The following AIG1 variants were observed in gnomAD, a reference collection of about 807,000 sequenced individuals.
AIG1 encodes the protein androgen induced 1.
Under a neutral mutation model 31.4 loss-of-function variants are expected in AIG1, and 23 were observed. That is an observed-to-expected ratio of 0.73 (90% CI 0.53 to 1.04). The LOEUF (loss-of-function observed/expected upper bound fraction) is 1.04, where lower values mean the gene tolerates loss of function less well. Among genes scored for constraint, AIG1 ranks in the 50% least tolerant of loss-of-function variants. The pLI is 0.00. For synonymous variants in AIG1, 100 were observed against 110.5 expected (o/e 0.90, Z 0.60); for missense variants, 274 against 295.0 (o/e 0.93, Z 0.52).
chr6:143,099,686 C>T (rs900618514), intron 1 of AIG1: 5 of 152,066 alleles, frequency 3.3e-5, no homozygotes, highest in Non-Finnish European at 5.9e-5. Context: ...CTTTCTTTAT[C>T]CAAATAGAAA....
At chr6:143,131,068 A>G (rs1051882622) in intron 1 of AIG1, among the ~76,000 whole-genome samples, 1 of 152,108 alleles carries the variant, frequency 6.6e-6, no homozygotes, top group Admixed American at 6.5e-5. Context: ...TTATACTTAC[A>G]TGCTTTTTTT....
At position 143,340,826 on chromosome 6, in the gene AIG1, AAT is replaced by A. The variant is rs1480129459; in HGVS notation, c.*1153_*1154del. Among the ~76,000 whole-genome samples, 7 of 152,176 alleles carry A rather than the reference AAT, an allele frequency of 4.6e-5. No individual in the cohort carries two copies. Among genetic ancestry groups the A allele is most frequent in the Non-Finnish European group, 8.8e-5 (6 of 68,034 alleles). ...GACCGTAATTATTTTTAAGATGAAAAATATGTTATATAAATTATAAAATGTTA... is the reference window on the plus strand; with the variant it reads ...GACCGTAATTATTTTTAAGATGAAAAATGTTATATAAATTATAAAATGTTA... On this transcript the variant is annotated 3_prime_UTR_variant, in exon 6 of 6. Coordinates refer to ENST00000357847, the MANE Select transcript of AIG1 (RefSeq NM_016108.4).
At chr6:143,073,534 A>G (rs1292726699) in intron 1 of AIG1, among the ~76,000 whole-genome samples, 2 of 152,200 alleles carry the variant, frequency 1.3e-5, no homozygotes, top group African/African-American at 4.8e-5. Flanking sequence ...ACCTTTGCCA[A>G]CATTTCTTCT....
chr6:143,093,625 G>GT lies in AIG1; in HGVS notation c.141+32560dup, dbSNP rs538933888. Among the ~76,000 whole-genome samples, 126 of 152,304 alleles carry GT rather than the reference G, an allele frequency of 8.3e-4. 1 individual carries two copies. Among genetic ancestry groups the GT allele is most frequent in the Non-Finnish European group, 1.2e-3 (81 of 68,028 alleles). On this transcript the variant is annotated intron_variant, in intron 1 of 5. Coordinates refer to ENST00000357847, the MANE Select transcript of AIG1 (RefSeq NM_016108.4). ...GCACAAGAGGCCTAGTTTTTGGCCTGTCTAGGTTTCTGACATGTCTGGTTT... is the reference window on the plus strand; with the variant it reads ...GCACAAGAGGCCTAGTTTTTGGCCTGTTCTAGGTTTCTGACATGTCTGGTTT...
intron 2 of AIG1, among the ~76,000 whole-genome samples, chr6:143,137,878 CG>C (rs562944990): frequency 1.5e-4 from 23 of 152,210 alleles, no homozygotes; most frequent in African/African-American, 5.5e-4. Context: ...CAGCTGATTT[CG>C]GGGGAAAACA....
chr6:143,315,199 AT>A (rs1306233224), intron 4 of AIG1, among the ~76,000 whole-genome samples: 1 of 152,126 alleles, frequency 6.6e-6, no homozygotes, highest in Non-Finnish European at 1.5e-5. Flanking sequence ...TGGCAAAAGT[AT>A]ATCGGGGTAA....
intron 3 of AIG1, among the ~76,000 whole-genome samples, chr6:143,185,014 G>A (rs138790864): frequency 3.9e-5 from 6 of 152,122 alleles, no homozygotes; most frequent in African/African-American, 1.4e-4. Flanking sequence ...TGGCCGACAT[G>A]GTGAAACCCG....
At chr6:143,257,104 A>C (rs914956065) in intron 3 of AIG1, among the ~76,000 whole-genome samples, 1 of 152,208 alleles carries the variant, frequency 6.6e-6, no homozygotes, top group African/African-American at 2.4e-5. Context: ...ATCACGTCAA[A>C]GCTCCCATGT....
At chr6:143,260,319 G>A (rs141811553) in intron 3 of AIG1, among the ~76,000 whole-genome samples, 6 of 152,200 alleles carry the variant, frequency 3.9e-5, no homozygotes, top group African/African-American at 9.6e-5. Context: ...CGCATCTGGC[G>A]GGTCTTCTGC....
chr6:143,087,390 T>C (rs1200690930), intron 1 of AIG1, among the ~76,000 whole-genome samples: 4 of 152,172 alleles, frequency 2.6e-5, no homozygotes, highest in Non-Finnish European at 5.9e-5. Context: ...AAGAGAACCA[T>C]GGAACCCAGT....
chr6:143,178,347 A>C (rs1362771265), intron 3 of AIG1, among the ~76,000 whole-genome samples: 1 of 152,120 alleles, frequency 6.6e-6, no homozygotes, highest in East Asian at 1.9e-4. Context: ...TGCTCTCAAC[A>C]TGATGATGTG....
intron 3 of AIG1, among the ~76,000 whole-genome samples, chr6:143,205,757 T>A (rs1445075187): frequency 4.6e-5 from 7 of 152,338 alleles, no homozygotes; most frequent in African/African-American, 1.7e-4. Context: ...TGCATTAATG[T>A]GCTATTACAA....
At position 143,265,989 on chromosome 6, in the gene AIG1, A is replaced by G. The variant is rs113660143; in HGVS notation, c.400-18121A>G. On this transcript the variant is annotated intron_variant, in intron 3 of 5. Transcript: ENST00000357847. Reference sequence around the variant, plus strand: ...TCATTCAGTGGCATTTCTCTTCATTACTCTGATTTAGAATCCTGCTTATCT... The same window carrying G: ...TCATTCAGTGGCATTTCTCTTCATTGCTCTGATTTAGAATCCTGCTTATCT... Among the ~76,000 whole-genome samples, 13 of 152,104 alleles carry G rather than the reference A, an allele frequency of 8.5e-5. 1 individual carries two copies. Among genetic ancestry groups the G allele is most frequent in the African/African-American group, 1.4e-4 (6 of 41,464 alleles).
intron 3 of AIG1, among the ~76,000 whole-genome samples, chr6:143,216,860 AG>A (rs1562497947): frequency 6.6e-6 from 1 of 152,222 alleles, no homozygotes; most frequent in East Asian, 1.9e-4. Flanking sequence ...CTCTTGATAT[AG>A]ACTCAAGTGA....
chr6:143,215,221 T>C (rs528055966), intron 3 of AIG1, among the ~76,000 whole-genome samples: 2 of 152,294 alleles, frequency 1.3e-5, no homozygotes, highest in Admixed American at 6.5e-5. Context: ...GATGTCAGAA[T>C]GCAAATTCTT....
At chr6:143,273,012 C>T (rs972379297) in intron 3 of AIG1, among the ~76,000 whole-genome samples, 1 of 152,120 alleles carries the variant, frequency 6.6e-6, no homozygotes, top group African/African-American at 2.4e-5. Flanking sequence ...ACCTGTTATC[C>T]CAGCTACTTG....
chr6:143,110,603 C>T (rs1047443276), intron 1 of AIG1, among the ~76,000 whole-genome samples: 9 of 152,128 alleles, frequency 5.9e-5, no homozygotes, highest in Admixed American at 3.3e-4. Context: ...TCTTCCTTTA[C>T]GGTCACACCC....
chr6:143,342,555 T>A (rs933113736), downstream of AIG1: 1 of 881,674 alleles, frequency 1.1e-6, no homozygotes, highest in Non-Finnish European at 2.0e-6. Flanking sequence ...ACCTTTATTT[T>A]TTTACTGTTG....
At chr6:143,275,669 A>G (rs1390166950) in intron 3 of AIG1, among the ~76,000 whole-genome samples, 2 of 152,136 alleles carry the variant, frequency 1.3e-5, no homozygotes, top group African/African-American at 4.8e-5. Flanking sequence ...CACATTTAAA[A>G]ACCCAGTTCT....
Sources: allele counts gnomAD v4.1 joint callset (sites outside exome capture counted in the v4.1 genomes callset), GRCh38; gene constraint gnomAD v4.1.1; transcripts MANE v1.5; gene names NCBI Gene and HGNC (gene_info 2026-07-23, HGNC 2026-07-21).